The following ATP8A2 variants were observed in gnomAD, a reference collection of about 807,000 sequenced individuals.
ATP8A2 encodes the protein phospholipid-transporting ATPase IB.
Under a neutral mutation model 165.6 loss-of-function variants are expected in ATP8A2, and 100 were observed. The ratio of observed to expected loss-of-function variants is 0.60; its 90% CI spans 0.51 to 0.71. The LOEUF (loss-of-function observed/expected upper bound fraction) is 0.71. Among genes scored for constraint, ATP8A2 ranks in the 30% least tolerant of loss-of-function variants. The pLI is 0.00. For missense variants in ATP8A2, 1,227 were observed against 1,479.5 expected (o/e 0.83, Z 2.80); for synonymous variants, 543 against 548.8 (o/e 0.99, Z 0.15).
intron 1 of ATP8A2, among the ~76,000 whole-genome samples, chr13:25,435,711 T>C (rs1003564279): frequency 3.3e-5 from 5 of 152,120 alleles, no homozygotes; most frequent in Non-Finnish European, 7.4e-5. Flanking sequence ...TTTTCTCCAC[T>C]GAGATATACA....
intron 24 of ATP8A2, among the ~76,000 whole-genome samples, chr13:25,680,630 GAGAT>G (rs1343805176): frequency 1.3e-5 from 2 of 152,202 alleles, no homozygotes; most frequent in African/African-American, 4.8e-5. Flanking sequence ...ACAACATGGA[GAGAT>G]AGAGTGAAGA....
rs958440162 is a variant in ATP8A2 at position 25,439,425 on chromosome 13, GA to G, written c.77-29544del. ...CAGACTCTATTAGGGCATTTTAAAT[GA>G]AAAAAAAGTCTGTTATATTGCCATC... On this transcript the variant is annotated intron_variant, in intron 1 of 36. Transcript: ENST00000381655. 6.6e-5 allele frequency among the ~76,000 whole-genome samples: 10 copies of G among 151,894 alleles called. No individual in the cohort carries two copies. The South Asian group carries it at 8.3e-4, about 13-fold the overall frequency.
At chr13:25,458,165 C>T (rs149077072) in intron 1 of ATP8A2, among the ~76,000 whole-genome samples, 29 of 152,298 alleles carry the variant, frequency 1.9e-4, no homozygotes, top group Non-Finnish European at 2.9e-4. Flanking sequence ...AACATCAAGA[C>T]GTGTTCATCG....
intron 25 of ATP8A2, among the ~76,000 whole-genome samples, chr13:25,755,916 A>T (rs1478659772): frequency 6.6e-6 from 1 of 152,166 alleles, no homozygotes; most frequent in Non-Finnish European, 1.5e-5. Context: ...TCAAAAAAAA[A>T]CCCATATAGA....
intron 2 of ATP8A2, among the ~76,000 whole-genome samples, chr13:25,487,032 G>A (rs1343993463): frequency 5.9e-5 from 9 of 152,156 alleles, no homozygotes. Flanking sequence ...GAAGTGATGA[G>A]CTAAGATGTA....
intron 1 of ATP8A2, among the ~76,000 whole-genome samples, chr13:25,446,139 C>A (rs1471192448): frequency 1.3e-5 from 2 of 152,084 alleles, no homozygotes; most frequent in African/African-American, 4.8e-5. Context: ...TCAGTTTCAC[C>A]CTTGGGCTGT....
intron 1 of ATP8A2, among the ~76,000 whole-genome samples, chr13:25,449,721 ATC>A (rs1403010831): frequency 6.6e-5 from 10 of 152,174 alleles, no homozygotes; most frequent in Non-Finnish European, 1.3e-4. Flanking sequence ...TCCATTATAT[ATC>A]TGTTATTAAA....
At chr13:25,824,892 C>T (rs1390445068) in intron 27 of ATP8A2, among the ~76,000 whole-genome samples, 2 of 151,976 alleles carry the variant, frequency 1.3e-5, no homozygotes, top group African/African-American at 4.8e-5. Context: ...CAGGATTCAA[C>T]CTCTGCCTCT....
intron 24 of ATP8A2, among the ~76,000 whole-genome samples, chr13:25,639,993 C>T (rs976273724): frequency 2.0e-5 from 3 of 152,206 alleles, no homozygotes; most frequent in African/African-American, 7.2e-5. Flanking sequence ...CAACCTGCTT[C>T]TGAATGACTA....
intron 2 of ATP8A2, among the ~76,000 whole-genome samples, chr13:25,501,717 G>A (rs1333239616): frequency 1.3e-5 from 2 of 152,226 alleles, no homozygotes; most frequent in African/African-American, 4.8e-5. Flanking sequence ...CACATCCATG[G>A]TTAACTTGTA....
At chr13:25,770,340 G>A (rs2044592787) in intron 26 of ATP8A2, among the ~76,000 whole-genome samples, 1 of 151,942 alleles carries the variant, frequency 6.6e-6, no homozygotes, top group African/African-American at 2.4e-5. Context: ...TGGATCAGCT[G>A]GCACCACTCA....
chr13:25,901,073 G>A (rs982123895), intron 33 of ATP8A2, among the ~76,000 whole-genome samples: 7 of 152,214 alleles, frequency 4.6e-5, no homozygotes, highest in African/African-American at 1.4e-4. Flanking sequence ...CTCTAGCAAG[G>A]AAGGAGGAGC....
chr13:25,928,074 T>C (rs1954663284), intron 33 of ATP8A2, among the ~76,000 whole-genome samples: 1 of 152,226 alleles, frequency 6.6e-6, no homozygotes, highest in Non-Finnish European at 1.5e-5. Flanking sequence ...TTTCAAACCC[T>C]AGAGAAAACA....
chr13:25,745,821 C>A (rs1430654060), intron 25 of ATP8A2, among the ~76,000 whole-genome samples: 2 of 152,214 alleles, frequency 1.3e-5, no homozygotes, highest in African/African-American at 4.8e-5. Context: ...CAAAAACCAC[C>A]TGAGTTTTTT....
intron 27 of ATP8A2, among the ~76,000 whole-genome samples, chr13:25,815,349 C>T (rs980081337): frequency 6.6e-6 from 1 of 152,110 alleles, no homozygotes; most frequent in Admixed American, 6.6e-5. Context: ...CTAAACACAA[C>T]AGCAAAAAAC....
intron 33 of ATP8A2, among the ~76,000 whole-genome samples, chr13:25,954,264 A>T (rs994266771): frequency 2.6e-5 from 4 of 152,218 alleles, no homozygotes; most frequent in Admixed American, 2.6e-4. Context: ...GGTGGAGCCC[A>T]CTGCAGCTCT....
At chr13:25,849,377 C>T (rs557098333) in intron 30 of ATP8A2, among the ~76,000 whole-genome samples, 41 of 152,264 alleles carry the variant, frequency 2.7e-4, no homozygotes, top group African/African-American at 9.4e-4. Flanking sequence ...TTTGTCAGAG[C>T]CATTTCTGAA....
chr13:25,605,797 A>C (rs1218866063), intron 24 of ATP8A2, among the ~76,000 whole-genome samples: 1 of 152,136 alleles, frequency 6.6e-6, no homozygotes, highest in Non-Finnish European at 1.5e-5. Flanking sequence ...ACTTTTGGAC[A>C]TTGAGGTTGT....
At chr13:25,714,042 G>C (rs2043205888) in intron 25 of ATP8A2, among the ~76,000 whole-genome samples, 1 of 152,048 alleles carries the variant, frequency 6.6e-6, no homozygotes, top group Non-Finnish European at 1.5e-5. Flanking sequence ...ATAGATTTCT[G>C]TGGCTATCCT....
Sources: gnomAD v4.1 joint callset for allele counts (sites outside exome capture counted in the v4.1 genomes callset) on GRCh38, gnomAD v4.1.1 for gene constraint, MANE v1.5 for transcripts, NCBI Gene and HGNC (gene_info 2026-07-23, HGNC 2026-07-21) for gene names.